CDKAL1: variants seen among roughly 807,000 people sequenced by gnomAD.
The protein encoded by CDKAL1 is CDKAL1 threonylcarbamoyladenosine tRNA methylthiotransferase.
Under a neutral mutation model 68.2 loss-of-function variants are expected in CDKAL1, and 32 were observed. That is an observed-to-expected ratio of 0.47 (90% CI 0.35 to 0.63). The LOEUF (loss-of-function observed/expected upper bound fraction) is 0.63, where lower values mean the gene tolerates loss of function less well. Ranked by LOEUF, CDKAL1 falls within the 30% of genes least tolerant of loss-of-function variation. CDKAL1 has a pLI of 0.00. For missense variants in CDKAL1, 606 were observed against 696.7 expected (o/e 0.87, Z 1.47); for synonymous variants, 234 against 244.3 (o/e 0.96, Z 0.39).
At chr6:20,797,090 A>G (rs761996106) in intron 8 of CDKAL1, among the ~76,000 whole-genome samples, 3 of 152,204 alleles carry the variant, frequency 2.0e-5, no homozygotes, top group Non-Finnish European at 4.4e-5. Flanking sequence ...ATAAGAAGCA[A>G]TCTGCAGGCT....
chr6:21,168,806 T>C (rs1346053400), intron 13 of CDKAL1, among the ~76,000 whole-genome samples: 1 of 152,262 alleles, frequency 6.6e-6, no homozygotes, highest in African/African-American at 2.4e-5. Context: ...TTGATATTTT[T>C]CTGTATTTTT....
At chr6:20,992,612 G>C (rs925174219) in intron 10 of CDKAL1, among the ~76,000 whole-genome samples, 10 of 152,088 alleles carry the variant, frequency 6.6e-5, no homozygotes, top group African/African-American at 2.4e-4. Context: ...AATAAGGCTA[G>C]GCATGGTGGG....
intron 9 of CDKAL1, among the ~76,000 whole-genome samples, chr6:20,886,095 CA>C (rs1407857688): frequency 6.6e-6 from 1 of 152,010 alleles, no homozygotes; most frequent in East Asian, 1.9e-4. Context: ...AGAAAATGGA[CA>C]AAAGATTTGA....
intron 9 of CDKAL1, among the ~76,000 whole-genome samples, chr6:20,898,253 A>G (rs1761794950): frequency 6.6e-6 from 1 of 150,594 alleles, no homozygotes; most frequent in Non-Finnish European, 1.5e-5. Flanking sequence ...GCTTGTCTTT[A>G]TCCCTCTAGA....
chr6:20,561,440 A>C (rs1764261612), intron 4 of CDKAL1, among the ~76,000 whole-genome samples: 1 of 61,732 alleles, frequency 1.6e-5, no homozygotes, highest in Non-Finnish European at 3.2e-5. Context: ...AGACCATCTC[A>C]AAAAAGAAAA....
chr6:21,187,317 C>A (rs1398371702), intron 13 of CDKAL1, among the ~76,000 whole-genome samples: 1 of 152,092 alleles, frequency 6.6e-6, no homozygotes, highest in Admixed American at 6.6e-5. Context: ...CTCTAAGGGA[C>A]CTGTATTCTC....
intron 3 of CDKAL1, among the ~76,000 whole-genome samples, 196 bp downstream of exon 3, chr6:20,546,719 A>AT (rs555858448): frequency 6.6e-6 from 1 of 151,874 alleles, no homozygotes; most frequent in East Asian, 1.9e-4. Context: ...ATACCTGGCT[A>AT]TTTTTTGTAT....
rs1365429557 is a variant in CDKAL1, at chr6:21,197,869, C to T, written c.1300-152C>T. On this transcript the variant is annotated intron_variant, in intron 13 of 15. Coordinates refer to ENST00000274695, the MANE Select transcript of CDKAL1 (RefSeq NM_017774.3). Reference sequence around the variant, plus strand: ...TTGAATCCGTGATTTGAACAGGGTTCGCTGTTAAATAACCAGCAATGTAGA... The same window carrying T: ...TTGAATCCGTGATTTGAACAGGGTTTGCTGTTAAATAACCAGCAATGTAGA... 7.9e-5 allele frequency: 35 copies of T among 443,810 alleles called. No homozygotes were observed. The East Asian group carries it at 1.1e-3, about 14-fold the overall frequency. 27.5% of individuals were successfully genotyped at this position (443,810 alleles called of 1,614,324 possible).
chr6:20,955,694 T>C, intron 10 of CDKAL1, 109 bp downstream of exon 10: 1 of 905,328 alleles, frequency 1.1e-6, no homozygotes, highest in South Asian at 2.4e-5. Context: ...CTTCACATTT[T>C]TTTTTTGTAG....
At chr6:21,203,691 CTTTTTTTTTTTT>C (rs915087377) in intron 15 of CDKAL1, among the ~76,000 whole-genome samples, 6 of 94,100 alleles carry the variant, frequency 6.4e-5, no homozygotes, top group Middle Eastern at 0.016. Context: ...CACTTGACCT[CTTTTTTTTTTTT>C]TTTTTTTTTT....
chr6:20,656,874 GATATT>G (rs906944239), intron 5 of CDKAL1, among the ~76,000 whole-genome samples: 1 of 151,984 alleles, frequency 6.6e-6, no homozygotes, highest in African/African-American at 2.4e-5. Context: ...AATTTAAAAA[GATATT>G]ATATATGATT....
At chr6:20,946,768 C>G (rs560288856) in intron 9 of CDKAL1, among the ~76,000 whole-genome samples, 1 of 151,842 alleles carries the variant, frequency 6.6e-6, no homozygotes, top group African/African-American at 2.4e-5. Context: ...AGCTAATTTT[C>G]TATTTTTAGT....
At chr6:20,841,445 A>G (rs1010608001) in intron 8 of CDKAL1, among the ~76,000 whole-genome samples, 4 of 152,216 alleles carry the variant, frequency 2.6e-5, no homozygotes, top group Non-Finnish European at 5.9e-5. Context: ...ACAAAAAAAG[A>G]ATAGGTATGT....
At chr6:21,051,385 A>C (rs1383313041) in intron 11 of CDKAL1, among the ~76,000 whole-genome samples, 1 of 152,166 alleles carries the variant, frequency 6.6e-6, no homozygotes, top group African/African-American at 2.4e-5. Context: ...AAAAAATAGT[A>C]ATAATAAGTT....
At chr6:21,165,376 A>G (rs1777110216) in intron 13 of CDKAL1, among the ~76,000 whole-genome samples, 1 of 152,248 alleles carries the variant, frequency 6.6e-6, no homozygotes, top group Non-Finnish European at 1.5e-5. Context: ...AAAGAGTCAG[A>G]AAAATAGCTG....
intron 10 of CDKAL1, among the ~76,000 whole-genome samples, chr6:20,989,172 T>A (rs1368628907): frequency 6.6e-6 from 1 of 151,526 alleles, no homozygotes; most frequent in Non-Finnish European, 1.5e-5. Flanking sequence ...GCATCAGGAG[T>A]CAAATGAGAT....
intron 13 of CDKAL1, among the ~76,000 whole-genome samples, chr6:21,181,522 G>T (rs779097944): frequency 6.6e-6 from 1 of 152,154 alleles, no homozygotes; most frequent in African/African-American, 2.4e-5. Flanking sequence ...CCCTCACGAG[G>T]CACTGGCACC....
At chr6:21,055,358 T>G (rs1318653910) in intron 11 of CDKAL1, among the ~76,000 whole-genome samples, 2 of 152,152 alleles carry the variant, frequency 1.3e-5, no homozygotes, top group East Asian at 1.9e-4. Flanking sequence ...TAAAAAAAAC[T>G]TTTTTTGTTT....
chr6:20,794,558 A>G (rs1776033346), intron 8 of CDKAL1, among the ~76,000 whole-genome samples: 2 of 152,150 alleles, frequency 1.3e-5, no homozygotes, highest in African/African-American at 4.8e-5. Flanking sequence ...AATACCTACT[A>G]CCCACACACT....
Sources: gnomAD v4.1 joint callset for allele counts (sites outside exome capture counted in the v4.1 genomes callset) on GRCh38, gnomAD v4.1.1 for gene constraint, MANE v1.5 for transcripts, NCBI Gene and HGNC (gene_info 2026-07-23, HGNC 2026-07-21) for gene names.